Variants in ITPR2 observed in about 807,000 individuals in gnomAD.
The protein encoded by ITPR2 is inositol 1,4,5-trisphosphate-gated calcium channel ITPR2.
In ITPR2, 207 loss-of-function variants were observed where a neutral mutation model predicts 317.1. The ratio of observed to expected loss-of-function variants is 0.65; its 90% CI spans 0.58 to 0.73. The LOEUF (loss-of-function observed/expected upper bound fraction) is 0.73, where lower values mean the gene tolerates loss of function less well. Among genes scored for constraint, ITPR2 ranks in the 30% least tolerant of loss-of-function variants. The pLI, the probability that ITPR2 is intolerant of heterozygous loss-of-function variation, is 0.00. For synonymous variants in ITPR2, 1,156 were observed against 1,149.1 expected (o/e 1.01, Z -0.12); for missense variants, 2,613 against 3,284.0 (o/e 0.80, Z 4.99).
intron 30 of ITPR2, among the ~76,000 whole-genome samples, chr12:26,597,561 C>CTCA (rs1247537711): frequency 1.3e-5 from 2 of 152,052 alleles, no homozygotes; most frequent in African/African-American, 2.4e-5. Context: ...GAAGCAAGTA[C>CTCA]ATTGAGCTAA....
chr12:26,626,208 G>A (rs757235170), intron 23 of ITPR2, among the ~76,000 whole-genome samples: 4 of 152,184 alleles, frequency 2.6e-5, no homozygotes, highest in Non-Finnish European at 4.4e-5. Context: ...CAACCAATCC[G>A]CCCCCTTCGG....
chr12:26,339,261 C>A lies in ITPR2; in HGVS notation c.*136G>T. The A allele has an allele frequency of 2.9e-6, 2 of 695,454 alleles. No individual in the cohort carries two copies. The highest frequency in any genetic ancestry group is 2.5e-5 in the Admixed American group (1 of 39,682). 43.1% of individuals were successfully genotyped at this position (695,454 alleles called of 1,614,324 possible). A position where few individuals can be genotyped will look rare whatever the true frequency, so the allele number is the denominator to read the frequency against. The stretch of plus-strand genomic sequence containing the variant: ...GTTATAAATTGTTCTCGGAGCTAAC[C>A]CACTCAACATCTTGGCACTTGGTTG... On this transcript the variant is annotated 3_prime_UTR_variant, in exon 57 of 57. Transcript: ENST00000381340.
intron 18 of ITPR2, 39 bp downstream of exon 18, chr12:26,657,668 A>G: frequency 6.4e-7 from 1 of 1,554,030 alleles, no homozygotes; most frequent in Non-Finnish European, 8.9e-7. Flanking sequence ...TTAATATGTG[A>G]GACTGGGAAT....
intron 39 of ITPR2, among the ~76,000 whole-genome samples, chr12:26,490,817 A>G (rs1277951903): frequency 6.6e-6 from 1 of 152,208 alleles, no homozygotes; most frequent in Non-Finnish European, 1.5e-5. Context: ...CCATCTCAAG[A>G]ACAAACAAAC....
chr12:26,554,836 A>G (rs1944622003), intron 36 of ITPR2, among the ~76,000 whole-genome samples: 1 of 151,806 alleles, frequency 6.6e-6, no homozygotes, highest in Admixed American at 6.6e-5. Context: ...CAGAGTTCTC[A>G]CATGCATGTA....
chr12:26,782,557 T>C (rs1163251706), intron 2 of ITPR2, among the ~76,000 whole-genome samples: 2 of 152,194 alleles, frequency 1.3e-5, no homozygotes, highest in Non-Finnish European at 2.9e-5. Context: ...CAATAGATAG[T>C]ATGGCACAGT....
chr12:26,667,794 T>A (rs1023534671), intron 13 of ITPR2, among the ~76,000 whole-genome samples: 1 of 152,260 alleles, frequency 6.6e-6, no homozygotes, highest in Non-Finnish European at 1.5e-5. Context: ...TATTTAGATA[T>A]CTAAGAAAGT....
intron 2 of ITPR2, among the ~76,000 whole-genome samples, chr12:26,784,729 A>G (rs543031406): frequency 4.8e-4 from 73 of 150,674 alleles, no homozygotes; most frequent in African/African-American, 1.8e-3. Flanking sequence ...TGGCCCCCCA[A>G]AGTGCCGAGA....
At chr12:26,343,797 G>A (rs1938214467) in intron 55 of ITPR2, among the ~76,000 whole-genome samples, 1 of 152,116 alleles carries the variant, frequency 6.6e-6, no homozygotes, top group Non-Finnish European at 1.5e-5. Context: ...ATTTCTTGGT[G>A]ATGAGGAGCC....
chr12:26,721,392 C>T (rs182418853), intron 5 of ITPR2: 36 of 533,540 alleles, frequency 6.7e-5, no homozygotes, highest in Admixed American at 4.0e-4. Flanking sequence ...ATTAGATTCA[C>T]GATAAAGACA....
At chr12:26,497,708 A>ATTTT (rs34121849) in intron 37 of ITPR2, among the ~76,000 whole-genome samples, 1 of 126,520 alleles carries the variant, frequency 7.9e-6, no homozygotes, top group African/African-American at 2.9e-5. Context: ...AGTGCCAAGA[A>ATTTT]TTTTTTTTTT....
intron 34 of ITPR2, among the ~76,000 whole-genome samples, chr12:26,565,120 A>T (rs1486838494): frequency 1.3e-5 from 2 of 152,234 alleles, no homozygotes; most frequent in East Asian, 3.9e-4. Flanking sequence ...ATTTCAAAAT[A>T]CGTAAAGGCT....
At chr12:26,827,063 C>T (rs1951019556) in intron 1 of ITPR2, among the ~76,000 whole-genome samples, 1 of 152,186 alleles carries the variant, frequency 6.6e-6, no homozygotes, top group South Asian at 2.1e-4. Context: ...AGACTCCCTC[C>T]TTCACCTTTA....
intron 23 of ITPR2, among the ~76,000 whole-genome samples, chr12:26,624,598 G>A (rs1336841696): frequency 2.6e-5 from 4 of 152,080 alleles, no homozygotes; most frequent in Admixed American, 2.0e-4. Context: ...CTGATCATCA[G>A]AGAAATGCAA....
intron 1 of ITPR2, among the ~76,000 whole-genome samples, chr12:26,807,358 C>T (rs1036445087): frequency 2.6e-5 from 4 of 152,148 alleles, no homozygotes; most frequent in Non-Finnish European, 5.9e-5. Flanking sequence ...TTCAACAATA[C>T]CCATACATTG....
chr12:26,749,040 C>T (rs2137099406), intron 2 of ITPR2, among the ~76,000 whole-genome samples: 1 of 152,184 alleles, frequency 6.6e-6, no homozygotes, highest in African/African-American at 2.4e-5. Flanking sequence ...AGATTCATTA[C>T]TCAGATTTGA....
At chr12:26,679,208 T>C (rs961736548) in intron 13 of ITPR2, among the ~76,000 whole-genome samples, 1 of 152,184 alleles carries the variant, frequency 6.6e-6, no homozygotes, top group Non-Finnish European at 1.5e-5. Context: ...CGACTGAATA[T>C]ACAATAGTTG....
At chr12:26,561,434 T>A (rs1944815263) in intron 35 of ITPR2, among the ~76,000 whole-genome samples, 2 of 152,332 alleles carry the variant, frequency 1.3e-5, no homozygotes, top group South Asian at 4.1e-4. Flanking sequence ...TAGAAGGGAA[T>A]ACTAAAACAT....
At chr12:26,651,934 G>A (rs1299933584) in intron 21 of ITPR2, among the ~76,000 whole-genome samples, 2 of 152,058 alleles carry the variant, frequency 1.3e-5, no homozygotes, top group Admixed American at 1.3e-4. Flanking sequence ...AGACTCGAAG[G>A]GGTGCCCTTC....
Sources: allele counts gnomAD v4.1 joint callset (sites outside exome capture counted in the v4.1 genomes callset), GRCh38; gene constraint gnomAD v4.1.1; transcripts MANE v1.5; gene names NCBI Gene and HGNC (gene_info 2026-07-23, HGNC 2026-07-21).